Variants in KAT6A observed in about 807,000 individuals in gnomAD.
KAT6A encodes histone acetyltransferase KAT6A.
KAT6A carries 9 observed loss-of-function variants against 198.4 expected under a neutral mutation model. That is an observed-to-expected ratio of 0.05 (90% CI 0.03 to 0.08). KAT6A has a LOEUF of 0.08. Ranked by LOEUF, KAT6A falls within the 10% of genes least tolerant of loss-of-function variation. KAT6A has a pLI of 1.00. For synonymous variants in KAT6A, 890 were observed against 883.0 expected (o/e 1.01, Z -0.14); for missense variants, 2,077 against 2,509.9 (o/e 0.83, Z 3.69).
chr8:41,991,578 T>G (rs1171647713), intron 2 of KAT6A, among the ~76,000 whole-genome samples: 1 of 152,220 alleles, frequency 6.6e-6, no homozygotes, highest in Non-Finnish European at 1.5e-5. Flanking sequence ...TGTACACTTA[T>G]AATCTGTGCA....
intron 2 of KAT6A, among the ~76,000 whole-genome samples, chr8:41,999,582 A>G (rs1352759167): frequency 1.3e-5 from 2 of 152,158 alleles, no homozygotes; most frequent in African/African-American, 4.8e-5. Context: ...CTTATAAAAT[A>G]TATCTCAACT....
chr8:41,967,123 C>T (rs1823532473), intron 8 of KAT6A, among the ~76,000 whole-genome samples: 1 of 152,136 alleles, frequency 6.6e-6, no homozygotes, highest in Admixed American at 6.5e-5. Context: ...CAAAGGAATC[C>T]TTCAGAATCA....
chr8:41,964,923 C>T (rs1008195473), intron 8 of KAT6A, among the ~76,000 whole-genome samples: 1 of 152,120 alleles, frequency 6.6e-6, no homozygotes, highest in African/African-American at 2.4e-5. Flanking sequence ...AAAATTCAGA[C>T]CTTGGCAAGC....
At chr8:41,938,181 T>C (rs981415957) in intron 15 of KAT6A, among the ~76,000 whole-genome samples, 3 of 152,170 alleles carry the variant, frequency 2.0e-5, no homozygotes, top group African/African-American at 7.2e-5. Flanking sequence ...TATCACAAAA[T>C]AAGAGATGAT....
In KAT6A at chr8:41,941,254, T is replaced by C. The variant is rs537857698; in HGVS notation, c.2627A>G (p.Gln876Arg). ...AGAATCTTTATCACCAAAACGTTCC[T>C]GGGTTTTTCTGTTCTTCCTCCCCCA... ...GRWGRKNRKT[Q>R]ERFGDKDSKL... The change falls in exon 15 of 17, where the codon CAG becomes CGG. Residue 876 changes from glutamine to arginine, a missense_variant. By Grantham distance (43) the Gln-to-Arg change is conservative. Transcript: ENST00000265713. 2.5e-6 allele frequency: 4 copies of C among 1,614,226 alleles called. No individual in the cohort carries two copies. The South Asian group carries it at 4.4e-5, about 18-fold the overall frequency.
At chr8:41,982,116 CT>C (rs1824385443) in intron 3 of KAT6A, among the ~76,000 whole-genome samples, 162 bp from the exon 4 acceptor site, 1 of 152,124 alleles carries the variant, frequency 6.6e-6, no homozygotes, top group East Asian at 1.9e-4. Flanking sequence ...CTCATCAGGA[CT>C]TGGCACCACA....
At chr8:42,026,887 C>A (rs576117470) in intron 2 of KAT6A, among the ~76,000 whole-genome samples, 1 of 152,076 alleles carries the variant, frequency 6.6e-6, no homozygotes, top group Non-Finnish European at 1.5e-5. Context: ...CTTAGTATAA[C>A]GTTAGCTGTG....
intron 9 of KAT6A, among the ~76,000 whole-genome samples, chr8:41,953,541 T>C (rs1822771919): frequency 6.6e-6 from 1 of 152,218 alleles, no homozygotes; most frequent in East Asian, 1.9e-4. Flanking sequence ...TGGCGCGATC[T>C]CAGTTCACTG....
intron 8 of KAT6A, among the ~76,000 whole-genome samples, chr8:41,968,112 A>T (rs1384373383): frequency 1.3e-5 from 2 of 152,190 alleles, no homozygotes; most frequent in African/African-American, 4.8e-5. Flanking sequence ...ACAAAAGCCA[A>T]AATTGACAAA....
chr8:41,991,018 A>C (rs1824916723), intron 2 of KAT6A, among the ~76,000 whole-genome samples: 2 of 135,506 alleles, frequency 1.5e-5, no homozygotes, highest in South Asian at 4.7e-4. Flanking sequence ...AAAAAAAAAA[A>C]AGGTGGAACA....
intron 2 of KAT6A, among the ~76,000 whole-genome samples, chr8:42,026,438 A>G (rs920503442): frequency 6.6e-6 from 1 of 150,924 alleles, no homozygotes; most frequent in East Asian, 1.9e-4. Flanking sequence ...GTGTCCTCCA[A>G]TTTTTTTTTA....
In KAT6A at chr8:41,934,446, G is replaced by A. The variant is rs1192484576; in HGVS notation, c.3774C>T (p.Ser1258=). 2 of 1,607,092 alleles carry A rather than the reference G, an allele frequency of 1.2e-6. No individual in the cohort carries two copies. The highest frequency in any genetic ancestry group is 2.7e-5 in the African/African-American group (2 of 74,734). The change falls in exon 17 of 17, where the codon AGC becomes AGT. Residue 1258 remains serine, a synonymous_variant. Transcript: ENST00000265713. Reference sequence around the variant, plus strand: ...CCTTGGTTTCGGTCTCAGGACTATTGCTGCTGTCTGCTGGAGAGGCTGCTG... The same window carrying A: ...CCTTGGTTTCGGTCTCAGGACTATTACTGCTGTCTGCTGGAGAGGCTGCTG... ...EVPAASPADS[S]NSPETETKEP...
At chr8:42,045,562 C>CAAAAAAAA (rs373672997) in intron 2 of KAT6A, among the ~76,000 whole-genome samples, 1 of 74,074 alleles carries the variant, frequency 1.3e-5, no homozygotes, top group East Asian at 3.5e-4. Flanking sequence ...AATTCCATCT[C>CAAAAAAAA]AAAAAAAAAA....
At position 41,977,043 on chromosome 8, in the gene KAT6A, C is replaced by T. The variant is rs758650204; in HGVS notation, c.1328G>A (p.Gly443Asp). 9 of 1,611,334 alleles carry T rather than the reference C, an allele frequency of 5.6e-6. No homozygotes were observed. In the South Asian group the frequency reaches 8.8e-5, roughly 16 times the overall value. The change falls in exon 7 of 17, where the codon GGC becomes GAC. Residue 443 changes from glycine to aspartate, a missense_variant. Transcript: ENST00000265713. ...ATCTGAAGTGCTTGATTTCCTGTTG[C>T]CCCTCTTTCTGATTCGATATTGCTC... Reference protein sequence around the residue: ...YSEQYRIRKRGNRKSSTSDWP... With the variant: ...YSEQYRIRKRDNRKSSTSDWP...
chr8:41,938,071 T>C (rs1458875005), intron 15 of KAT6A, among the ~76,000 whole-genome samples: 1 of 152,220 alleles, frequency 6.6e-6, no homozygotes, highest in African/African-American at 2.4e-5. Flanking sequence ...TCAGTGTTAG[T>C]GAAATATTTC....
At chr8:42,036,011 C>G (rs1018215563) in intron 2 of KAT6A, among the ~76,000 whole-genome samples, 5 of 152,096 alleles carry the variant, frequency 3.3e-5, no homozygotes, top group African/African-American at 1.2e-4. Context: ...GAGCCTTTCA[C>G]ACTTCTTTCA....
chr8:42,004,800 C>T (rs572461550), intron 2 of KAT6A, among the ~76,000 whole-genome samples: 7 of 151,982 alleles, frequency 4.6e-5, no homozygotes, highest in Admixed American at 1.3e-4. Context: ...TGGTGGTGTG[C>T]GCCTGTAGTC....
At chr8:41,961,784 T>C (rs1410475716) in intron 8 of KAT6A, among the ~76,000 whole-genome samples, 1 of 151,550 alleles carries the variant, frequency 6.6e-6, no homozygotes, top group African/African-American at 2.4e-5. Context: ...GTATCTTCTT[T>C]AGCCCTCACA....
rs368495272 is a variant in KAT6A at position 41,931,519 on chromosome 8, A to G, written c.*686T>C. Reference sequence around the variant, plus strand: ...TGATTCAAGAACAACAAAGATTTCAATGAAGTCCGTCTATAAAGAAACATT... The same window carrying G: ...TGATTCAAGAACAACAAAGATTTCAGTGAAGTCCGTCTATAAAGAAACATT... On this transcript the variant is annotated 3_prime_UTR_variant, in exon 17 of 17. Coordinates refer to ENST00000265713, the MANE Select transcript of KAT6A (RefSeq NM_006766.5). 3.4e-5 allele frequency: 7 copies of G among 207,630 alleles called. No individual in the cohort carries two copies. Among genetic ancestry groups the G allele is most frequent in the African/African-American group, 1.4e-4 (6 of 44,034 alleles). 12.9% of individuals were successfully genotyped at this position (207,630 alleles called of 1,614,324 possible). A position where few individuals can be genotyped will look rare whatever the true frequency, so the allele number is the denominator to read the frequency against.
Sources: gnomAD v4.1 joint callset for allele counts (sites outside exome capture counted in the v4.1 genomes callset) on GRCh38, gnomAD v4.1.1 for gene constraint, MANE v1.5 for transcripts, NCBI Gene and HGNC (gene_info 2026-07-23, HGNC 2026-07-21) for gene names.